LRP1B: variants seen among roughly 807,000 people sequenced by gnomAD.
LRP1B encodes LDL receptor related protein 1B, also known as low-density lipoprotein receptor-related protein 1B.
Under a neutral mutation model 556.6 loss-of-function variants are expected in LRP1B, and 217 were observed. The observed-to-expected ratio is 0.39, with a 90% CI of 0.35 to 0.44. The LOEUF (loss-of-function observed/expected upper bound fraction) is 0.44, where lower values mean the gene tolerates loss of function less well. Among genes scored for constraint, LRP1B ranks in the 20% least tolerant of loss-of-function variants. The probability of loss-of-function intolerance (pLI) is 1.00; values close to 1 mark genes in which losing one functional copy is unlikely to be tolerated. For missense variants in LRP1B, 5,053 were observed against 5,620.8 expected, an observed-to-expected ratio of 0.90 and a Z score of 3.23; for synonymous variants, 2,047 against 1,865.8, an observed-to-expected ratio of 1.10 and a Z score of -2.50.
chr2:141,938,191 T>G (rs1248701574), intron 1 of LRP1B, among the ~76,000 whole-genome samples: 1 of 152,160 alleles, frequency 6.6e-6, no homozygotes, highest in Non-Finnish European at 1.5e-5. Flanking sequence ...AAAATTTATT[T>G]GCAAACCATA....
intron 3 of LRP1B, among the ~76,000 whole-genome samples, chr2:141,443,349 G>T (rs1424526080): frequency 6.6e-6 from 1 of 152,104 alleles, no homozygotes; most frequent in Non-Finnish European, 1.5e-5. Context: ...CAGATGGATA[G>T]GTTGCAAAAT....
intron 62 of LRP1B, among the ~76,000 whole-genome samples, chr2:140,454,613 T>G (rs1340386474): frequency 6.6e-6 from 1 of 152,166 alleles, no homozygotes; most frequent in African/African-American, 2.4e-5. Context: ...TGGGGGTATT[T>G]AAAAATTATA....
intron 41 of LRP1B, among the ~76,000 whole-genome samples, chr2:140,641,385 G>A (rs1406148235): frequency 1.3e-5 from 2 of 152,166 alleles, no homozygotes; most frequent in African/African-American, 4.8e-5. Context: ...TTCATTATGA[G>A]TGTCTTTATA....
intron 43 of LRP1B, among the ~76,000 whole-genome samples, chr2:140,564,428 T>C (rs1380939236): frequency 6.6e-6 from 1 of 152,128 alleles, no homozygotes; most frequent in African/African-American, 2.4e-5. Flanking sequence ...ATCATATAAG[T>C]GTTATTTCTA....
rs761314600 is a variant in LRP1B, at chr2:140,335,613, A to C, written c.12116+2T>G. On this transcript the variant is annotated splice_donor_variant, in intron 78 of 90. Transcript: ENST00000389484. LOFTEE classifies it high-confidence loss of function. ...AATAGAAATACTAAGCCATTAACCT[A>C]CCCTCTTTTAGGATTTACTGCAATA... The C allele has an allele frequency of 6.4e-7, 1 of 1,557,620 alleles. No homozygotes were observed. The highest frequency in any genetic ancestry group is 8.9e-7 in the Non-Finnish European group (1 of 1,129,190).
intron 35 of LRP1B, among the ~76,000 whole-genome samples, chr2:140,753,169 T>G (rs1336869721): frequency 6.6e-6 from 1 of 152,154 alleles, no homozygotes; most frequent in Non-Finnish European, 1.5e-5. Context: ...TAGACAAATT[T>G]TTCCAGTTTA....
intron 3 of LRP1B, among the ~76,000 whole-genome samples, chr2:141,435,828 G>A (rs1559069380): frequency 6.6e-6 from 1 of 152,294 alleles, no homozygotes; most frequent in South Asian, 2.1e-4. Flanking sequence ...AGAAGAACCA[G>A]TCCTCTTGGT....
In LRP1B at chr2:141,466,753, C is replaced by T. The variant is rs569155955; in HGVS notation, c.343+13643G>A. 3.9e-5 allele frequency among the ~76,000 whole-genome samples: 6 copies of T among 152,158 alleles called. 1 individual carries two copies. The South Asian group carries it at 1.2e-3, about 32-fold the overall frequency. On this transcript the variant is annotated intron_variant, in intron 3 of 90. Coordinates refer to ENST00000389484, the MANE Select transcript of LRP1B (RefSeq NM_018557.3). ...GATTGCAGAACAGAAATAAGGGAGT[C>T]TGGGACCCGAGTCACATACGGAATT...
At chr2:141,678,820 C>T (rs1690991032) in intron 2 of LRP1B, among the ~76,000 whole-genome samples, 1 of 152,064 alleles carries the variant, frequency 6.6e-6, no homozygotes, top group Admixed American at 6.6e-5. Context: ...CAATGAAATA[C>T]ATTGGTAGGC....
chr2:141,327,912 G>A (rs148002914), intron 3 of LRP1B, among the ~76,000 whole-genome samples: 3 of 151,018 alleles, frequency 2.0e-5, no homozygotes, highest in African/African-American at 7.4e-5. Flanking sequence ...CAGACCGACC[G>A]ACCTAGTATA....
intron 66 of LRP1B, among the ~76,000 whole-genome samples, chr2:140,397,987 CT>C (rs1207997621): frequency 6.7e-6 from 1 of 150,146 alleles, no homozygotes; most frequent in Non-Finnish European, 1.5e-5. Flanking sequence ...GATAAATATT[CT>C]TTCTGATTGA....
chr2:141,897,220 C>G (rs930479311), intron 1 of LRP1B, among the ~76,000 whole-genome samples: 1 of 151,890 alleles, frequency 6.6e-6, no homozygotes, highest in African/African-American at 2.4e-5. Flanking sequence ...CTGTAAAGGT[C>G]ATTCAGGGAA....
intron 3 of LRP1B, among the ~76,000 whole-genome samples, chr2:141,402,042 C>T (rs565995764): frequency 3.8e-4 from 58 of 152,278 alleles, no homozygotes; most frequent in Non-Finnish European, 7.2e-4. Context: ...GGGTGAGAAG[C>T]TGTGCATGAT....
chr2:140,635,336 A>C (rs1274465949), intron 41 of LRP1B, among the ~76,000 whole-genome samples: 1 of 152,098 alleles, frequency 6.6e-6, no homozygotes, highest in African/African-American at 2.4e-5. Context: ...AAAAAGGATA[A>C]TATGTGAATC....
chr2:140,766,620 CTGATGA>C (rs145590728), intron 35 of LRP1B, among the ~76,000 whole-genome samples: 1 of 148,964 alleles, frequency 6.7e-6, no homozygotes, highest in Non-Finnish European at 1.5e-5. Flanking sequence ...GCTCTACAGA[CTGATGA>C]TGATGATGAT....
rs566280955 is a variant in LRP1B at position 140,285,091 on chromosome 2, ATC to A, written c.12968-10495_12968-10494del. Among the ~76,000 whole-genome samples the A allele has an allele frequency of 6.2e-3, 922 of 149,392 alleles. 11 individuals are homozygous for A. The highest frequency in any genetic ancestry group is 0.022 in the African/African-American group (880 of 40,806). On this transcript the variant is annotated intron_variant, in intron 84 of 90. Transcript: ENST00000389484. ...ATATTTATATATGGATAATCCCTAT[ATC>A]TCTCTCTCTATATATATATGTGTGT... is the stretch of plus-strand genomic sequence containing the variant.
At chr2:140,411,254 A>T (rs569082855) in intron 66 of LRP1B, among the ~76,000 whole-genome samples, 1 of 152,264 alleles carries the variant, frequency 6.6e-6, no homozygotes, top group Admixed American at 6.5e-5. Context: ...ATTTTAATAT[A>T]AATTACTAAT....
In LRP1B at chr2:140,233,255, T is replaced by A; in HGVS notation, c.13731A>T (p.Gly4577=). 6.2e-7 allele frequency: 1 copy of A among 1,605,582 alleles called. No individual in the cohort carries two copies. Among genetic ancestry groups the A allele is most frequent in the Non-Finnish European group, 8.5e-7 (1 of 1,174,258 alleles). ...MDGQNCRNSL[G]SVDERKELLP... ...GCAGTTCTTTCCTTTCATCAACACTTCCTAAGGAGTTTCGACAGTTTTGCC... is the reference window on the plus strand; with the variant it reads ...GCAGTTCTTTCCTTTCATCAACACTACCTAAGGAGTTTCGACAGTTTTGCC... The change falls in exon 91 of 91, where the codon GGA becomes GGT. Residue 4577 remains glycine (G), a synonymous_variant. Transcript: ENST00000389484.
At position 142,054,142 on chromosome 2, in the gene LRP1B, T is replaced by C. The variant is rs78465331; in HGVS notation, c.82+76506A>G. 4.6e-5 allele frequency among the ~76,000 whole-genome samples: 7 copies of C among 152,268 alleles called. No individual in the cohort carries two copies. The East Asian group carries it at 1.4e-3, about 29-fold the overall frequency. On this transcript the variant is annotated intron_variant, in intron 1 of 90. Transcript: ENST00000389484. ...GGAGAAAACATTGAAATCTAAGTCA[T>C]TATTACACAACAATATTATTTTCAC... is the stretch of plus-strand genomic sequence containing the variant.
Sources: gnomAD v4.1 joint callset for allele counts (sites outside exome capture counted in the v4.1 genomes callset) on GRCh38, gnomAD v4.1.1 for gene constraint, MANE v1.5 for transcripts, NCBI Gene and HGNC (gene_info 2026-07-23, HGNC 2026-07-21) for gene names.